The following RCAN2 variants were observed in gnomAD, a reference collection of about 807,000 sequenced individuals.
The protein encoded by RCAN2 is calcipressin-2.
A neutral mutation model predicts 23.6 loss-of-function variants in RCAN2; 9 were observed. The ratio of observed to expected loss-of-function variants is 0.38; its 90% CI spans 0.23 to 0.67. RCAN2 has a LOEUF of 0.67. Among genes scored for constraint, RCAN2 ranks in the 30% least tolerant of loss-of-function variants. RCAN2 has a pLI of 0.51. For missense variants in RCAN2, 273 were observed against 302.3 expected (o/e 0.90, Z 0.72); for synonymous variants, 109 against 115.7 (o/e 0.94, Z 0.37).
intron 2 of RCAN2, among the ~76,000 whole-genome samples, chr6:46,367,293 G>A (rs1006382184): frequency 4.0e-5 from 6 of 151,812 alleles, no homozygotes; most frequent in Non-Finnish European, 8.8e-5. Flanking sequence ...TTCTAGGCTT[G>A]TCATAATATA....
intron 2 of RCAN2, among the ~76,000 whole-genome samples, chr6:46,394,271 C>A (rs564957683): frequency 6.6e-6 from 1 of 152,134 alleles, no homozygotes; most frequent in Admixed American, 6.6e-5. Flanking sequence ...AATCTGGACA[C>A]GAAGGTGCTT....
intron 2 of RCAN2, among the ~76,000 whole-genome samples, chr6:46,261,147 C>T (rs1767095857): frequency 6.6e-6 from 1 of 152,184 alleles, no homozygotes; most frequent in African/African-American, 2.4e-5. Flanking sequence ...TCTAATTGTG[C>T]ATGTGTAATT....
At chr6:46,374,576 A>G (rs1003071467) in intron 2 of RCAN2, among the ~76,000 whole-genome samples, 3 of 152,216 alleles carry the variant, frequency 2.0e-5, no homozygotes, top group Non-Finnish European at 2.9e-5. Context: ...AGCCCTATGG[A>G]TCTAAAATTT....
chr6:46,378,561 A>G (rs929869895), intron 2 of RCAN2, among the ~76,000 whole-genome samples: 1 of 152,206 alleles, frequency 6.6e-6, no homozygotes, highest in Non-Finnish European at 1.5e-5. Context: ...TGATGGTCCA[A>G]CAAATCCTGT....
intron 4 of RCAN2, among the ~76,000 whole-genome samples, chr6:46,245,964 T>C (rs1197476793): frequency 1.3e-5 from 2 of 152,188 alleles, no homozygotes; most frequent in Non-Finnish European, 2.9e-5. Flanking sequence ...AAAAAAATAC[T>C]TTGGGGCGCA....
At chr6:46,272,208 A>T (rs1334471903) in intron 2 of RCAN2, among the ~76,000 whole-genome samples, 1 of 152,226 alleles carries the variant, frequency 6.6e-6, no homozygotes, top group Non-Finnish European at 1.5e-5. Flanking sequence ...TATTGCTAAA[A>T]AGATGAACAT....
At chr6:46,365,411 G>A (rs1765139716) in intron 2 of RCAN2, among the ~76,000 whole-genome samples, 1 of 151,702 alleles carries the variant, frequency 6.6e-6, no homozygotes, top group African/African-American at 2.4e-5. Flanking sequence ...GGGAGGTGGA[G>A]TTTGCGGTGA....
chr6:46,314,863 C>A (rs1763383500), intron 2 of RCAN2, among the ~76,000 whole-genome samples: 1 of 151,962 alleles, frequency 6.6e-6, no homozygotes, highest in Non-Finnish European at 1.5e-5. Context: ...GAGTTCAAGA[C>A]CAGCCTGGGC....
chr6:46,225,721 C>A (rs996546161), intron 4 of RCAN2, among the ~76,000 whole-genome samples: 8 of 152,096 alleles, frequency 5.3e-5, no homozygotes, highest in Non-Finnish European at 1.0e-4. Flanking sequence ...AAAATTTTCT[C>A]CCAATCTGTA....
intron 2 of RCAN2, among the ~76,000 whole-genome samples, chr6:46,321,893 A>C (rs1216855090): frequency 2.0e-5 from 3 of 152,218 alleles, no homozygotes; most frequent in African/African-American, 7.2e-5. Flanking sequence ...CCAAGTGCTT[A>C]AGCAGAGCTT....
At chr6:46,402,935 C>T (rs1258733165) in intron 2 of RCAN2, among the ~76,000 whole-genome samples, 1 of 152,104 alleles carries the variant, frequency 6.6e-6, no homozygotes, top group East Asian at 1.9e-4. Context: ...GCCCCTACAA[C>T]ACACATACTA....
chr6:46,369,354 A>G (rs1034875074), intron 2 of RCAN2, among the ~76,000 whole-genome samples: 8 of 152,226 alleles, frequency 5.3e-5, no homozygotes, highest in Non-Finnish European at 1.0e-4. Flanking sequence ...AAAGTATACT[A>G]TAGTAAACTG....
At chr6:46,470,925 C>A (rs980724170) in intron 1 of RCAN2, among the ~76,000 whole-genome samples, 2 of 152,220 alleles carry the variant, frequency 1.3e-5, no homozygotes, top group Admixed American at 6.5e-5. Flanking sequence ...TCTCCTCATT[C>A]ACCTCATTCA....
chr6:46,463,141 G>A (rs1768273791), intron 1 of RCAN2, among the ~76,000 whole-genome samples: 1 of 152,170 alleles, frequency 6.6e-6, no homozygotes, highest in South Asian at 2.1e-4. Flanking sequence ...AGAGATCATG[G>A]CCAATTCTGG....
chr6:46,310,105 A>G (rs949396350), intron 2 of RCAN2, among the ~76,000 whole-genome samples: 3 of 152,098 alleles, frequency 2.0e-5, no homozygotes, highest in Non-Finnish European at 4.4e-5. Context: ...AAGTGCTCCA[A>G]TTCATACCCG....
chr6:46,436,484 G>A (rs1164682183), intron 2 of RCAN2, among the ~76,000 whole-genome samples: 1 of 152,174 alleles, frequency 6.6e-6, no homozygotes, highest in Admixed American at 6.5e-5. Flanking sequence ...CAAACTGCTG[G>A]GATTATCGGC....
At chr6:46,265,599 C>T (rs1767297943) in intron 2 of RCAN2, among the ~76,000 whole-genome samples, 2 of 152,138 alleles carry the variant, frequency 1.3e-5, no homozygotes, top group Admixed American at 1.3e-4. Context: ...CTGGTTGGTC[C>T]TCTGAGTTAG....
chr6:46,305,732 T>A (rs1033500927), intron 2 of RCAN2, among the ~76,000 whole-genome samples: 1 of 151,976 alleles, frequency 6.6e-6, no homozygotes, highest in Admixed American at 6.6e-5. Context: ...CTGAAAATAT[T>A]TCTCCATAGA....
At chr6:46,313,644 T>C (rs1282310451) in intron 2 of RCAN2, among the ~76,000 whole-genome samples, 3 of 152,230 alleles carry the variant, frequency 2.0e-5, no homozygotes, top group Admixed American at 2.0e-4. Flanking sequence ...TCAAGAACTA[T>C]ACAATCATAA....
Sources: allele counts gnomAD v4.1 joint callset (sites outside exome capture counted in the v4.1 genomes callset), GRCh38; gene constraint gnomAD v4.1.1; transcripts MANE v1.5; gene names NCBI Gene and HGNC (gene_info 2026-07-23, HGNC 2026-07-21).